Variants in POLA1 observed in about 807,000 individuals in gnomAD.
The protein encoded by POLA1 is DNA polymerase alpha catalytic subunit.
In POLA1, 15 loss-of-function variants were observed where a neutral mutation model predicts 124.0. That is an observed-to-expected ratio of 0.12 (90% CI 0.08 to 0.19). The LOEUF is 0.19. Ranked by LOEUF, POLA1 falls within the 10% of genes least tolerant of loss-of-function variation. The pLI, the probability that POLA1 is intolerant of heterozygous loss-of-function variation, is 1.00. For missense variants in POLA1, 886 were observed against 1,103.4 expected (o/e 0.80, Z 2.79); for synonymous variants, 408 against 389.4 (o/e 1.05, Z -0.56).
At chrX:24,855,068 G>A (rs1193911440) in intron 34 of POLA1, among the ~76,000 whole-genome samples, 3 of 111,265 alleles carry the variant, frequency 2.7e-5, no homozygotes, top group Non-Finnish European at 5.7e-5. Flanking sequence ...AGTATATAAG[G>A]AATGATTCAG....
At chrX:24,807,903 G>A (rs1318033108) in intron 26 of POLA1, among the ~76,000 whole-genome samples, 1 of 111,838 alleles carries the variant, frequency 8.9e-6, no homozygotes, top group Non-Finnish European at 1.9e-5. Context: ...GGCATGAAAA[G>A]ATGAGTCTGT....
chrX:24,840,211 C>A (rs913561534), intron 32 of POLA1, among the ~76,000 whole-genome samples: 2 of 112,507 alleles, frequency 1.8e-5, no homozygotes, highest in Non-Finnish European at 3.8e-5. Flanking sequence ...TCATATGCAG[C>A]ATGAACATGT....
chrX:24,758,482 C>T (rs1230842250), intron 26 of POLA1, among the ~76,000 whole-genome samples: 1 of 111,282 alleles, frequency 9.0e-6, no homozygotes, highest in African/African-American at 3.3e-5. Context: ...CTCTGTGTGC[C>T]TTTTAGGTTT....
At chrX:24,710,954 G>A (rs758501719) in intron 4 of POLA1, among the ~76,000 whole-genome samples, 4 of 110,726 alleles carry the variant, frequency 3.6e-5, no homozygotes, top group Non-Finnish European at 3.8e-5. Context: ...GTGAGCCACC[G>A]CGCTGGCATG....
intron 32 of POLA1, among the ~76,000 whole-genome samples, chrX:24,837,262 G>C: frequency 1.8e-5 from 2 of 112,058 alleles, no homozygotes; most frequent in South Asian, 7.5e-4. Context: ...CAGCACCTCT[G>C]TTATAGTAGC....
intron 35 of POLA1, among the ~76,000 whole-genome samples, chrX:24,899,685 C>T (rs1466816016): frequency 9.0e-6 from 1 of 111,631 alleles, no homozygotes; most frequent in Non-Finnish European, 1.9e-5. Flanking sequence ...TTCTCAGGAA[C>T]TCGTTAAGTC....
At chrX:24,970,963 C>T (rs753838313) in intron 36 of POLA1, among the ~76,000 whole-genome samples, 8 of 112,390 alleles carry the variant, frequency 7.1e-5, no homozygotes, top group East Asian at 5.6e-4. Context: ...GAGCTTCACA[C>T]GCAGCATCTG....
chrX:24,705,369 T>G (rs1215063966), intron 4 of POLA1, among the ~76,000 whole-genome samples: 1 of 111,873 alleles, frequency 8.9e-6, no homozygotes, highest in East Asian at 2.8e-4. Context: ...ACCAAAAGCC[T>G]AACATCTGTG....
chrX:24,719,116 G>A (rs1202032719), intron 10 of POLA1, among the ~76,000 whole-genome samples: 1 of 111,097 alleles, frequency 9.0e-6, no homozygotes, highest in Non-Finnish European at 1.9e-5. Context: ...TGGATCTGTG[G>A]TACATGCAAA....
At chrX:24,957,177 T>C (rs1350964563) in intron 36 of POLA1, among the ~76,000 whole-genome samples, 2 of 111,946 alleles carry the variant, frequency 1.8e-5, no homozygotes, top group African/African-American at 6.5e-5. Flanking sequence ...TTTAGGACCA[T>C]GATGAATTAT....
intron 4 of POLA1, among the ~76,000 whole-genome samples, chrX:24,713,667 G>A (rs1272349085): frequency 2.7e-5 from 3 of 111,748 alleles, no homozygotes; most frequent in Admixed American, 1.9e-4. Context: ...CGCCCGCCTC[G>A]GTCTTTTAAA....
chrX:24,880,759 T>C (rs774419178), intron 34 of POLA1, among the ~76,000 whole-genome samples: 5 of 112,062 alleles, frequency 4.5e-5, no homozygotes, highest in Admixed American at 9.5e-5. Flanking sequence ...GATAATTCTG[T>C]GGCAGAAAAA....
chrX:24,920,625 T>C (rs1198821941), intron 35 of POLA1, among the ~76,000 whole-genome samples: 1 of 112,351 alleles, frequency 8.9e-6, no homozygotes, highest in Non-Finnish European at 1.9e-5. Context: ...AAGTATTGGC[T>C]CTGCCACTTA....
intron 26 of POLA1, among the ~76,000 whole-genome samples, chrX:24,753,675 G>T (rs1186910543): frequency 8.9e-6 from 1 of 111,815 alleles, no homozygotes; most frequent in African/African-American, 3.2e-5. Flanking sequence ...ATTTAAAACT[G>T]ACTATGTACT....
intron 1 of POLA1, among the ~76,000 whole-genome samples, chrX:24,694,226 C>T (rs766245125): frequency 8.9e-6 from 1 of 112,768 alleles, no homozygotes; most frequent in South Asian, 3.7e-4. Context: ...TGTCTCACCT[C>T]TGCCACTGAG....
chrX:24,733,806 T>C lies in POLA1; in HGVS notation c.1823T>C (p.Ile608Thr), dbSNP rs763758630. Residue 608 changes from isoleucine (I) to threonine (T), a missense_variant, in exon 17 of 37, where the codon ATT becomes ACT. Ile to Thr is a moderately conservative substitution (Grantham distance 89). Coordinates refer to ENST00000379068, the MANE Select transcript of POLA1 (RefSeq NM_001330360.2). ...CIFPYAFKEV[I>T]EKKNVKVEVA... ...TTTCCATATGCTTTCAAAGAAGTCA[T>C]TGAGAAAAAGGTAAAGTGCTCATTA... is the stretch of plus-strand genomic sequence containing the variant. 3 of 1,122,281 alleles carry C rather than the reference T, an allele frequency of 2.7e-6. No homozygotes were observed. In the African/African-American group the frequency reaches 5.4e-5, roughly 20 times the overall value. 92.5% of individuals were successfully genotyped at this position (1,122,281 alleles called of 1,213,427 possible).
At chrX:24,709,225 G>A (rs1241568961) in intron 4 of POLA1, among the ~76,000 whole-genome samples, 17 of 76,650 alleles carry the variant, frequency 2.2e-4, no homozygotes, top group East Asian at 8.9e-4. Context: ...CGGACAGGGC[G>A]GCTGGCCGGG....
chrX:24,987,093 T>TCTCACTCTCTCACTCA (rs1466412763), intron 36 of POLA1, among the ~76,000 whole-genome samples: 1 of 112,187 alleles, frequency 8.9e-6, no homozygotes, highest in African/African-American at 3.2e-5. Flanking sequence ...TCTTGAGCAT[T>TCTCACTCTCTCACTCA]CTCACTCTCT....
intron 34 of POLA1, among the ~76,000 whole-genome samples, chrX:24,875,226 A>G (rs1018404886): frequency 1.8e-5 from 2 of 111,674 alleles, no homozygotes; most frequent in Admixed American, 1.9e-4. Context: ...ATAAGTGAAG[A>G]AATTCCAGGT....
Sources: gnomAD v4.1 joint callset for allele counts (sites outside exome capture counted in the v4.1 genomes callset) on GRCh38, gnomAD v4.1.1 for gene constraint, MANE v1.5 for transcripts, NCBI Gene and HGNC (gene_info 2026-07-23, HGNC 2026-07-21) for gene names.